The following PAICS variants were observed in gnomAD, a reference collection of about 807,000 sequenced individuals.
PAICS encodes the protein phosphoribosylaminoimidazole carboxylase and phosphoribosylaminoimidazolesuccinocarboxamide synthase.
Under a neutral mutation model 53.7 loss-of-function variants are expected in PAICS, and 33 were observed. The observed-to-expected ratio is 0.61, with a 90% CI of 0.47 to 0.82. PAICS has a LOEUF of 0.82. PAICS is among the 40% of genes least tolerant of loss of function. The pLI, the probability that PAICS is intolerant of heterozygous loss-of-function variation, is 0.00. For synonymous variants in PAICS, 141 were observed against 167.2 expected, an observed-to-expected ratio of 0.84 and a Z score of 1.21; for missense variants, 394 against 494.1, an observed-to-expected ratio of 0.80 and a Z score of 1.92.
At chr4:56,423,046 T>C in the PAICS span, 1 of 152,192 alleles carries the variant, frequency 6.6e-6, no homozygotes, top group Non-Finnish European at 1.5e-5. Context: ...GATTTTGTGC[T>C]TGCTACCTGA....
chr4:56,443,734 A>G (rs541885554), intron 2 of PAICS, among the ~76,000 whole-genome samples: 4 of 152,340 alleles, frequency 2.6e-5, no homozygotes, highest in South Asian at 2.1e-4. Context: ...CCAGAACTTT[A>G]TAACAAGTAA....
chr4:56,453,845 C>A, intron 8 of PAICS, 84 bp downstream of exon 8: 1 of 918,174 alleles, frequency 1.1e-6, no homozygotes, highest in Non-Finnish European at 1.6e-6. Flanking sequence ...ATAATAAAAT[C>A]TCATGTACCC....
At chr4:56,411,467 T>C in the PAICS span, among the ~76,000 whole-genome samples, 1 of 152,240 alleles carries the variant, frequency 6.6e-6, no homozygotes, top group African/African-American at 2.4e-5. Flanking sequence ...GAAGATTTAG[T>C]ACATGAAATG....
At chr4:56,437,206 A>G (rs1718046847) in intron 1 of PAICS, among the ~76,000 whole-genome samples, 1 of 143,188 alleles carries the variant, frequency 7.0e-6, no homozygotes, top group Admixed American at 7.0e-5. Flanking sequence ...GTCTGATTCC[A>G]TGATGGCTGG....
At chr4:56,444,414 G>A (rs1053005861) in intron 2 of PAICS, among the ~76,000 whole-genome samples, 26 of 152,068 alleles carry the variant, frequency 1.7e-4, no homozygotes, top group African/African-American at 5.3e-4. Flanking sequence ...TGTAATACTA[G>A]TATATGAAGA....
Position 56,448,501 on chromosome 4 carries a change from G to A in PAICS, c.477G>A (p.Gln159=), listed in dbSNP as rs1375075562. ...KFCFAGLLIG[Q]TEVDIMSHAT... ...GCTTTGCTGGACTTCTTATAGGCCA[G>A]ACTGAAGTGGATATCATGAGTCATG... The change falls in exon 4 of 9, where the codon CAG becomes CAA. Residue 159 remains glutamine (Q), a synonymous_variant. Coordinates refer to ENST00000512576, the MANE Select transcript of PAICS (RefSeq NM_001079524.2). 3 of 1,612,664 alleles carry A rather than the reference G, an allele frequency of 1.9e-6. No individual in the cohort carries two copies. Among genetic ancestry groups the A allele is most frequent in the African/African-American group, 1.3e-5 (1 of 74,884 alleles).
chr4:56,450,502 T>G (rs1209035081), intron 5 of PAICS, 117 bp from the exon 6 acceptor site: 1 of 610,250 alleles, frequency 1.6e-6, no homozygotes, highest in Non-Finnish European at 2.9e-6. Flanking sequence ...AAGATGCATT[T>G]TCAGAAGTAT....
At chr4:56,415,072 C>A in the PAICS span, among the ~76,000 whole-genome samples, 1 of 152,226 alleles carries the variant, frequency 6.6e-6, no homozygotes, top group East Asian at 1.9e-4. Flanking sequence ...AAGAGCATAT[C>A]TTTTCTTTTT....
In PAICS at chr4:56,450,693, GAGAGT is replaced by G. The variant is rs781102384; in HGVS notation, c.767_771del (p.Glu257AlafsTer19). 6.7e-7 allele frequency: 1 copy of G among 1,482,214 alleles called. No homozygotes were observed. The highest frequency in any genetic ancestry group is 1.2e-5 in the South Asian group (1 of 82,914). The allele number at this position is 1,482,214 out of a possible 1,614,324, so 91.8% of individuals were successfully genotyped here. The stretch of plus-strand genomic sequence containing the variant: ...AGAAAAACTTTGAGTGGGTTGCAGA[GAGAGT>G]AGAGGTAAACCTTCTATAGTAAAAC... On this transcript the variant is annotated frameshift_variant, in exon 6 of 9. Coordinates refer to ENST00000512576, the MANE Select transcript of PAICS (RefSeq NM_001079524.2). LOFTEE classifies it high-confidence loss of function.
intron 7 of PAICS, among the ~76,000 whole-genome samples, 157 bp from the exon 8 acceptor site, chr4:56,453,446 T>C (rs1719017040): frequency 6.8e-6 from 1 of 147,906 alleles, no homozygotes; most frequent in African/African-American, 2.6e-5. Flanking sequence ...TTTGAATATA[T>C]GTGTAATAAT....
chr4:56,411,668 A>C, the PAICS span, among the ~76,000 whole-genome samples: 1 of 152,222 alleles, frequency 6.6e-6, no homozygotes, highest in Non-Finnish European at 1.5e-5. Flanking sequence ...ATTATTCAAA[A>C]ATCTGTAATA....
chr4:56,445,952 G>T (rs1482094177), intron 2 of PAICS, among the ~76,000 whole-genome samples: 1 of 152,184 alleles, frequency 6.6e-6, no homozygotes, highest in African/African-American at 2.4e-5. Flanking sequence ...GACAGGGTAG[G>T]TTGGAAATCC....
At chr4:56,438,500 C>A (rs1251930181) in intron 1 of PAICS, among the ~76,000 whole-genome samples, 1 of 151,312 alleles carries the variant, frequency 6.6e-6, no homozygotes, top group Non-Finnish European at 1.5e-5. Context: ...GTGGCAAGAT[C>A]TCAGCTCACT....
the PAICS span, among the ~76,000 whole-genome samples, chr4:56,426,869 A>G: frequency 2.0e-5 from 3 of 152,168 alleles, no homozygotes; most frequent in Admixed American, 6.5e-5. Flanking sequence ...TCCAAACTGA[A>G]ACTTCTGTAG....
chr4:56,443,164 C>G (rs2110084204), intron 2 of PAICS, among the ~76,000 whole-genome samples: 1 of 152,152 alleles, frequency 6.6e-6, no homozygotes, highest in Middle Eastern at 3.4e-3. Context: ...GATAAGTGTT[C>G]CATCTATTTA....
At chr4:56,426,995 A>G in the PAICS span, among the ~76,000 whole-genome samples, 1 of 152,146 alleles carries the variant, frequency 6.6e-6, no homozygotes, top group Non-Finnish European at 1.5e-5. Context: ...GGAATCATAC[A>G]ATATTCGTCC....
Position 56,450,714 on chromosome 4 carries a change from A to G in PAICS, c.771+12A>G, listed in dbSNP as rs568385304. On this transcript the variant is annotated intron_variant, in intron 6 of 8. Transcript: ENST00000512576. ...CAGAGAGAGTAGAGGTAAACCTTCT[A>G]TAGTAAAACTGTATGTATTATGTGT... 1.2e-5 allele frequency: 15 copies of G among 1,247,874 alleles called. No homozygotes were observed. The Admixed American group carries it at 1.6e-4, about 13-fold the overall frequency. 77.3% of individuals were successfully genotyped at this position (1,247,874 alleles called of 1,614,324 possible).
At chr4:56,456,946 G>A (rs567864487) in intron 8 of PAICS, among the ~76,000 whole-genome samples, 1 of 152,240 alleles carries the variant, frequency 6.6e-6, no homozygotes, top group African/African-American at 2.4e-5. Context: ...CTTCAAGTGG[G>A]TGGTCCGTGT....
chr4:56,445,539 A>C (rs1345654175), intron 2 of PAICS, among the ~76,000 whole-genome samples: 4 of 152,158 alleles, frequency 2.6e-5, no homozygotes. Context: ...GTGAGCCAAG[A>C]TCACGCCACT....
Sources: gnomAD v4.1 joint callset for allele counts (sites outside exome capture counted in the v4.1 genomes callset) on GRCh38, gnomAD v4.1.1 for gene constraint, MANE v1.5 for transcripts, NCBI Gene and HGNC (gene_info 2026-07-23, HGNC 2026-07-21) for gene names.